The following MICAL3 variants were observed in gnomAD, a reference collection of about 807,000 sequenced individuals.
The protein encoded by MICAL3 is [F-actin]-monooxygenase MICAL3.
In MICAL3, 62 loss-of-function variants were observed where a neutral mutation model predicts 207.4. That is an observed-to-expected ratio of 0.30 (90% CI 0.24 to 0.37). MICAL3 has a LOEUF of 0.37. MICAL3 is among the 10% of genes least tolerant of loss of function. The pLI, the probability that MICAL3 is intolerant of heterozygous loss-of-function variation, is 1.00. For synonymous variants in MICAL3, 1,077 were observed against 1,069.3 expected (o/e 1.01, Z -0.14); for missense variants, 2,368 against 2,635.6 (o/e 0.90, Z 2.22).
In MICAL3 at chr22:17,872,195, C is replaced by A. The variant is rs573702498; in HGVS notation, c.2242-172G>T. 2.0e-4 allele frequency among the ~76,000 whole-genome samples: 30 copies of A among 152,204 alleles called. 2 individuals are homozygous for A. The highest frequency in any genetic ancestry group is 3.7e-4 in the Non-Finnish European group (25 of 68,034). On this transcript the variant is annotated intron_variant, in intron 16 of 31. Coordinates refer to ENST00000441493, the MANE Select transcript of MICAL3 (RefSeq NM_015241.3). The stretch of plus-strand genomic sequence containing the variant: ...TGCTCTTGGCTCTGCCACAGAGTGA[C>A]GGCACCGCCACAGTCACTGCCTCCA...
At chr22:17,928,390 G>A (rs1318998526) in intron 1 of MICAL3, among the ~76,000 whole-genome samples, 8 of 151,292 alleles carry the variant, frequency 5.3e-5, no homozygotes, top group Non-Finnish European at 1.2e-4. Context: ...AGTGAGCCAA[G>A]ATTGCACCAC....
chr22:17,863,626 G>A (rs1926754430), intron 19 of MICAL3: 1 of 985,290 alleles, frequency 1.0e-6, no homozygotes, highest in African/African-American at 1.7e-5. Flanking sequence ...TGATAATAAG[G>A]GCACGTGCAG....
chr22:17,954,577 A>G (rs1036867685), intron 1 of MICAL3, among the ~76,000 whole-genome samples: 1 of 152,142 alleles, frequency 6.6e-6, no homozygotes, highest in East Asian at 1.9e-4. Flanking sequence ...AAGTACATAG[A>G]TGGGCCTAGC....
In MICAL3 at chr22:17,831,939, C is replaced by T. The variant is rs1324519998; in HGVS notation, c.2970G>A (p.Gly990=). The stretch of plus-strand genomic sequence containing the variant: ...CCTCCTCCTCCTCCTCCTCTTCATT[C>T]CCAGGCCCAAAGCTCTTTGAGGCCT... ...ELEASKSFGP[G]NEEEEEEEEE... is the part of the protein sequence containing the mutation. Residue 990 remains glycine (G), a synonymous_variant, in exon 21 of 32, where the codon GGG becomes GGA. Coordinates refer to ENST00000441493, the MANE Select transcript of MICAL3 (RefSeq NM_015241.3). 9 of 1,576,828 alleles carry T rather than the reference C, an allele frequency of 5.7e-6. No individual in the cohort carries two copies. Among genetic ancestry groups the T allele is most frequent in the Non-Finnish European group, 6.9e-6 (8 of 1,161,134 alleles).
chr22:17,989,195 T>C (rs188518637), intron 1 of MICAL3, among the ~76,000 whole-genome samples: 12 of 152,274 alleles, frequency 7.9e-5, no homozygotes, highest in African/African-American at 2.9e-4. Context: ...CTCAACGCCA[T>C]GCCTTTGCTC....
At chr22:17,797,838 G>C (rs2061892917) in intron 29 of MICAL3, among the ~76,000 whole-genome samples, 1 of 152,276 alleles carries the variant, frequency 6.6e-6, no homozygotes, top group African/African-American at 2.4e-5. Context: ...GGTGGGCACA[G>C]CCACAGCGGG....
chr22:17,791,521 G>A (rs2061824660), intron 29 of MICAL3: 5 of 577,934 alleles, frequency 8.7e-6, no homozygotes, highest in Non-Finnish European at 1.6e-5. Flanking sequence ...CACCCCGTCA[G>A]CGACCTCGCC....
intron 1 of MICAL3, chr22:18,006,671 TA>T (rs1166619017): frequency 6.6e-6 from 1 of 152,162 alleles, no homozygotes; most frequent in Non-Finnish European, 1.5e-5. Context: ...CCGTCTCTAC[TA>T]AAAATACAAA....
intron 1 of MICAL3, among the ~76,000 whole-genome samples, chr22:17,939,254 C>G (rs74573432): frequency 2.0e-5 from 3 of 152,182 alleles, no homozygotes; most frequent in Admixed American, 2.0e-4. Context: ...GCCTCCATAA[C>G]TGTTAAGAAC....
At chr22:17,962,033 T>C (rs891188516) in intron 1 of MICAL3, among the ~76,000 whole-genome samples, 2 of 152,160 alleles carry the variant, frequency 1.3e-5, no homozygotes, top group Non-Finnish European at 2.9e-5. Context: ...GGGTTCAAAA[T>C]GAGGCAAAGA....
At chr22:17,857,270 A>C (rs1480220402) in intron 19 of MICAL3, among the ~76,000 whole-genome samples, 1 of 152,186 alleles carries the variant, frequency 6.6e-6, no homozygotes, top group East Asian at 1.9e-4. Flanking sequence ...GCCTCCTGTC[A>C]GATCAGCGGT....
At chr22:17,850,851 G>A (rs931112360) in intron 19 of MICAL3, among the ~76,000 whole-genome samples, 3 of 152,154 alleles carry the variant, frequency 2.0e-5, no homozygotes, top group Non-Finnish European at 2.9e-5. Flanking sequence ...CTACAAGCCC[G>A]ACTCTCCAGT....
At chr22:18,007,005 C>T (rs551199644) in intron 1 of MICAL3, among the ~76,000 whole-genome samples, 24 of 152,046 alleles carry the variant, frequency 1.6e-4, no homozygotes, top group South Asian at 6.2e-4. Flanking sequence ...TACAGGCACC[C>T]GCCATCATGC....
intron 19 of MICAL3, 190 bp downstream of exon 19, chr22:17,864,709 G>A (rs377747008): frequency 1.6e-5 from 25 of 1,612,728 alleles, no homozygotes; most frequent in East Asian, 4.5e-5. Context: ...CAGCACCTCC[G>A]ACAGGCCATA....
In MICAL3 at chr22:17,856,746, C is replaced by T. The variant is rs370529492; in HGVS notation, c.2605+8153G>A. ...ACGCCATTCTCCTGCCTCAGCCTCC[C>T]GAGTAGCTGGGACTACAGGCGCCCG... On this transcript the variant is annotated intron_variant, in intron 19 of 31. Transcript: ENST00000441493. Among the ~76,000 whole-genome samples, 222 of 151,900 alleles carry T rather than the reference C, an allele frequency of 1.5e-3. 1 individual carries two copies. Among genetic ancestry groups the T allele is most frequent in the African/African-American group, 5.0e-3 (206 of 41,466 alleles).
rs188976547 is a variant in MICAL3 at position 17,870,947 on chromosome 22, G to C, written c.2428+890C>G. On this transcript the variant is annotated intron_variant, in intron 17 of 31. Coordinates refer to ENST00000441493, the MANE Select transcript of MICAL3 (RefSeq NM_015241.3). ...GAAGTGACTAGGTCCTAACGGCATG[G>C]CATCCCTCTCCTATATGACCTCACT... Among the ~76,000 whole-genome samples the C allele has an allele frequency of 5.3e-5, 8 of 152,256 alleles. No individual in the cohort carries two copies. In the East Asian group the frequency reaches 1.5e-3, roughly 29 times the overall value.
At chr22:17,831,487 T>C (rs1922803082) in intron 21 of MICAL3, among the ~76,000 whole-genome samples, 2 of 152,198 alleles carry the variant, frequency 1.3e-5, no homozygotes, top group African/African-American at 2.4e-5. Context: ...CAGGGAATCC[T>C]CTAGAAAGCT....
chr22:17,967,488 A>ACC (rs1556491124), intron 1 of MICAL3, among the ~76,000 whole-genome samples: 2 of 116,922 alleles, frequency 1.7e-5, no homozygotes, highest in South Asian at 2.3e-4. Flanking sequence ...ACACACACAC[A>ACC]CACACCCACA....
intron 1 of MICAL3, among the ~76,000 whole-genome samples, chr22:17,953,424 C>A (rs1396569407): frequency 6.6e-6 from 1 of 152,070 alleles, no homozygotes; most frequent in Non-Finnish European, 1.5e-5. Context: ...GCCAGGAGAA[C>A]CCTTCCCTGG....
Sources: allele counts gnomAD v4.1 joint callset (sites outside exome capture counted in the v4.1 genomes callset), GRCh38; gene constraint gnomAD v4.1.1; transcripts MANE v1.5; gene names NCBI Gene and HGNC (gene_info 2026-07-23, HGNC 2026-07-21).